The following DPP10 variants were observed in gnomAD, a reference collection of about 807,000 sequenced individuals.
DPP10 encodes dipeptidyl peptidase like 10, also known as inactive dipeptidyl peptidase 10.
In DPP10, 33 loss-of-function variants were observed where a neutral mutation model predicts 120.9. The observed-to-expected ratio is 0.27, with a 90% confidence interval of 0.21 to 0.37. DPP10 has a LOEUF of 0.37. DPP10 is among the 10% of genes least tolerant of loss of function. DPP10 has a pLI of 1.00. For missense variants in DPP10, 816 were observed against 942.8 expected, an observed-to-expected ratio of 0.87 and a Z score of 1.76; for synonymous variants, 337 against 326.1, an observed-to-expected ratio of 1.03 and a Z score of -0.36.
At chr2:115,285,822 G>A (rs1379604724) in intron 1 of DPP10, among the ~76,000 whole-genome samples, 3 of 151,996 alleles carry the variant, frequency 2.0e-5, no homozygotes, top group Non-Finnish European at 2.9e-5. Flanking sequence ...TTGCCCTATA[G>A]TCACATTTGC....
At chr2:115,366,230 C>T (rs1419768775) in intron 3 of DPP10, among the ~76,000 whole-genome samples, 1 of 151,884 alleles carries the variant, frequency 6.6e-6, no homozygotes, top group Non-Finnish European at 1.5e-5. Context: ...GCACCTCATT[C>T]CTGAAAACTT....
chr2:115,254,710 C>G (rs76412510), intron 1 of DPP10, among the ~76,000 whole-genome samples: 4 of 152,086 alleles, frequency 2.6e-5, no homozygotes, highest in Admixed American at 6.5e-5. Context: ...GGAAATTGGC[C>G]AAAACAGAGG....
At chr2:114,891,808 C>CACT (rs1692564724) in intron 1 of DPP10, among the ~76,000 whole-genome samples, 1 of 152,146 alleles carries the variant, frequency 6.6e-6, no homozygotes, top group African/African-American at 2.4e-5. Context: ...GATTGAAGGA[C>CACT]ACTAAGTCAA....
At chr2:115,805,838 G>A (rs1158177757) in intron 19 of DPP10, among the ~76,000 whole-genome samples, 3 of 152,112 alleles carry the variant, frequency 2.0e-5, no homozygotes, top group Admixed American at 6.5e-5. Context: ...GCCTCCCAAA[G>A]TGCTGGGATT....
At chr2:114,881,457 G>GTCTCTA (rs140898800) in intron 1 of DPP10, among the ~76,000 whole-genome samples, 3 of 144,214 alleles carry the variant, frequency 2.1e-5, no homozygotes, top group Non-Finnish European at 3.0e-5. Flanking sequence ...CTGTCTGTCT[G>GTCTCTA]TCTATCTATC....
chr2:115,410,335 A>G (rs13010997), intron 3 of DPP10, among the ~76,000 whole-genome samples: 72,224 of 152,036 alleles, frequency 0.48, 19,666 homozygotes, highest in Non-Finnish European at 0.63. Context: ...TTGCAGGGAC[A>G]CGGATGGAGC....
At position 115,777,322 on chromosome 2, in the gene DPP10, T is replaced by A. The variant is rs747573135; in HGVS notation, c.1313+23T>A. 3.1e-6 allele frequency: 5 copies of A among 1,596,548 alleles called. No homozygotes were observed. In the African/African-American group the frequency reaches 6.7e-5, roughly 21 times the overall value. ...AATGTGAGTGTTTTCAGTTCTCTAGTCAGGCTGCAAGTTAGCGTTGTCAAA... is the reference window on the plus strand; with the variant it reads ...AATGTGAGTGTTTTCAGTTCTCTAGACAGGCTGCAAGTTAGCGTTGTCAAA... On this transcript the variant is annotated intron_variant, in intron 14 of 25. Transcript: ENST00000410059.
At chr2:115,146,445 T>G (rs2051229458) in intron 1 of DPP10, among the ~76,000 whole-genome samples, 1 of 152,054 alleles carries the variant, frequency 6.6e-6, no homozygotes, top group South Asian at 2.1e-4. Context: ...TCCCTGTTAT[T>G]TATATAAAAT....
intron 1 of DPP10, among the ~76,000 whole-genome samples, chr2:115,004,958 A>C (rs989767697): frequency 3.3e-5 from 5 of 152,126 alleles, no homozygotes; most frequent in African/African-American, 9.7e-5. Context: ...CTGCAGACTT[A>C]AATGTCCCTG....
chr2:115,548,219 A>T (rs966580881), intron 5 of DPP10, among the ~76,000 whole-genome samples: 1 of 152,174 alleles, frequency 6.6e-6, no homozygotes, highest in African/African-American at 2.4e-5. Context: ...AGATATTTAA[A>T]TCTTCTGGGA....
At chr2:115,282,590 GC>G (rs1422186459) in intron 1 of DPP10, among the ~76,000 whole-genome samples, 1 of 152,012 alleles carries the variant, frequency 6.6e-6, no homozygotes, top group Non-Finnish European at 1.5e-5. Flanking sequence ...GGTGTTTACA[GC>G]CAAGCAGTTT....
intron 1 of DPP10, among the ~76,000 whole-genome samples, chr2:114,535,633 C>T (rs1480908343): frequency 1.3e-5 from 2 of 152,156 alleles, no homozygotes; most frequent in Non-Finnish European, 2.9e-5. Context: ...GATTTCACCT[C>T]CTGAATATCT....
At chr2:115,138,809 C>T (rs2050776421) in intron 1 of DPP10, among the ~76,000 whole-genome samples, 1 of 152,234 alleles carries the variant, frequency 6.6e-6, no homozygotes, top group Non-Finnish European at 1.5e-5. Context: ...TCAGAATACT[C>T]GATCAATATC....
At chr2:114,897,353 A>G (rs917074313) in intron 1 of DPP10, among the ~76,000 whole-genome samples, 3 of 152,144 alleles carry the variant, frequency 2.0e-5, no homozygotes, top group Non-Finnish European at 4.4e-5. Flanking sequence ...TCGGCTGTGA[A>G]TCCATCTGGT....
At chr2:115,286,500 ATAT>A (rs1267356334) in intron 1 of DPP10, among the ~76,000 whole-genome samples, 6 of 54,152 alleles carry the variant, frequency 1.1e-4, no homozygotes, top group African/African-American at 2.7e-4. Flanking sequence ...TAATATATAT[ATAT>A]TACATATATA....
intron 1 of DPP10, among the ~76,000 whole-genome samples, chr2:115,215,045 G>T (rs1297669403): frequency 6.6e-6 from 1 of 152,118 alleles, no homozygotes; most frequent in Non-Finnish European, 1.5e-5. Context: ...AATAGGTTTG[G>T]TTTTTTAAAT....
At chr2:115,672,999 T>A (rs2090023945) in intron 5 of DPP10, among the ~76,000 whole-genome samples, 2 of 152,122 alleles carry the variant, frequency 1.3e-5, no homozygotes, top group Non-Finnish European at 2.9e-5. Context: ...TCCGCCTGTC[T>A]TGGCCTCCCA....
intron 3 of DPP10, among the ~76,000 whole-genome samples, chr2:115,380,621 T>C (rs1445831577): frequency 2.0e-5 from 3 of 152,116 alleles, no homozygotes; most frequent in Non-Finnish European, 2.9e-5. Context: ...ATTTTGCTCG[T>C]TAGTTGATGC....
At chr2:115,332,967 C>G (rs1411769245) in intron 2 of DPP10, among the ~76,000 whole-genome samples, 1 of 152,020 alleles carries the variant, frequency 6.6e-6, no homozygotes, top group African/African-American at 2.4e-5. Context: ...CGTTCAATTC[C>G]TGGATGTCCT....
Sources: allele counts gnomAD v4.1 joint callset (sites outside exome capture counted in the v4.1 genomes callset), GRCh38; gene constraint gnomAD v4.1.1; transcripts MANE v1.5; gene names NCBI Gene and HGNC (gene_info 2026-07-23, HGNC 2026-07-21).